GIPC2: variants seen among roughly 807,000 people sequenced by gnomAD.
GIPC2 encodes GIPC PDZ domain containing family member 2.
In GIPC2, 30 loss-of-function variants were observed where a neutral mutation model predicts 30.6. The ratio of observed to expected loss-of-function variants is 0.98; its 90% confidence interval spans 0.73 to 1.33. GIPC2 has a LOEUF of 1.33. Among genes scored for constraint, GIPC2 ranks in the 40% most tolerant of loss-of-function variants. The probability of loss-of-function intolerance (pLI) is 0.00; values close to 1 mark genes in which losing one functional copy is unlikely to be tolerated. For missense variants in GIPC2, 414 were observed against 390.3 expected (o/e 1.06, Z -0.51); for synonymous variants, 167 against 150.0 (o/e 1.11, Z -0.83).
chr1:78,069,071 A>C, intron 1 of GIPC2: 4 of 985,308 alleles, frequency 4.1e-6, no homozygotes, highest in Non-Finnish European at 4.8e-6. Flanking sequence ...AGTTGGAAGA[A>C]ACTGCTTGGT....
chr1:78,128,437 A>G (rs1349776475), intron 5 of GIPC2, among the ~76,000 whole-genome samples: 1 of 152,248 alleles, frequency 6.6e-6, no homozygotes, highest in Non-Finnish European at 1.5e-5. Context: ...CTAACTAGGA[A>G]TAAAGACAGA....
At chr1:78,057,530 A>G (rs1557527105) in intron 1 of GIPC2, among the ~76,000 whole-genome samples, 2 of 152,344 alleles carry the variant, frequency 1.3e-5, no homozygotes, top group Admixed American at 1.3e-4. Flanking sequence ...CACTGTGGAG[A>G]TATTTCTTCC....
At chr1:78,133,659 G>A (rs971691157) in intron 5 of GIPC2, among the ~76,000 whole-genome samples, 14 of 152,060 alleles carry the variant, frequency 9.2e-5, no homozygotes, top group Non-Finnish European at 2.1e-4. Flanking sequence ...TTAATGTAGT[G>A]TAGTGTAGTG....
At chr1:78,084,028 C>T (rs565572841) in intron 2 of GIPC2, among the ~76,000 whole-genome samples, 5 of 152,028 alleles carry the variant, frequency 3.3e-5, no homozygotes, top group African/African-American at 9.7e-5. Context: ...TAGCTGTGCT[C>T]ATACACTGAA....
chr1:78,108,082 AG>A (rs1259101563), intron 3 of GIPC2, among the ~76,000 whole-genome samples: 1 of 152,206 alleles, frequency 6.6e-6, no homozygotes, highest in Middle Eastern at 3.2e-3. Flanking sequence ...GTAATAAACC[AG>A]TAATAAAGGT....
In GIPC2 at chr1:78,119,509, G is replaced by GTTCATTTAC; in HGVS notation, c.714+14_714+22dup. The GTTCATTTAC allele has an allele frequency of 6.7e-7, 1 of 1,489,410 alleles. No homozygotes were observed. The highest frequency in any genetic ancestry group is 9.4e-7 in the Non-Finnish European group (1 of 1,067,200). The allele number at this position is 1,489,410 out of a possible 1,614,324, so 92.3% of individuals were successfully genotyped here. On this transcript the variant is annotated intron_variant, in intron 4 of 5. Transcript: ENST00000370759. ...CACCGTGGAAGAAATGGTATGTTAT[G>GTTCATTTAC]TTCATTTACTTCCTGTTCTGCTTGG... is the stretch of plus-strand genomic sequence containing the variant.
intron 5 of GIPC2, among the ~76,000 whole-genome samples, chr1:78,127,327 G>C (rs1662800984): frequency 6.6e-6 from 1 of 152,244 alleles, no homozygotes; most frequent in Non-Finnish European, 1.5e-5. Flanking sequence ...GCTCTGATGA[G>C]CTGAGCAGAG....
At chr1:78,101,016 G>T (rs547577061) in intron 3 of GIPC2, among the ~76,000 whole-genome samples, 124 of 150,992 alleles carry the variant, frequency 8.2e-4, no homozygotes, top group Non-Finnish European at 1.5e-3. Flanking sequence ...GATAATTGGG[G>T]CCTAGAGAAT....
chr1:78,118,821 T>C (rs1662621742), intron 3 of GIPC2, among the ~76,000 whole-genome samples: 1 of 152,232 alleles, frequency 6.6e-6, no homozygotes, highest in African/African-American at 2.4e-5. Context: ...CATTTCTTAC[T>C]GCCTTCAGTT....
At chr1:78,120,004 C>A (rs986722434) in intron 4 of GIPC2, among the ~76,000 whole-genome samples, 1 of 152,186 alleles carries the variant, frequency 6.6e-6, no homozygotes, top group African/African-American at 2.4e-5. Context: ...CCCAAGGCAC[C>A]ATCATCTTAT....
intron 1 of GIPC2, among the ~76,000 whole-genome samples, chr1:78,072,620 G>T (rs1203969601): frequency 6.6e-6 from 1 of 151,872 alleles, no homozygotes; most frequent in Non-Finnish European, 1.5e-5. Flanking sequence ...TAACTTTAAG[G>T]ACAGTAATTT....
chr1:78,075,608 A>T (rs1661704287), intron 1 of GIPC2, among the ~76,000 whole-genome samples: 1 of 152,206 alleles, frequency 6.6e-6, no homozygotes, highest in Non-Finnish European at 1.5e-5. Context: ...AGAAATTCCT[A>T]GACCACACAC....
chr1:78,094,315 A>G (rs1324736597), intron 2 of GIPC2, among the ~76,000 whole-genome samples: 1 of 152,248 alleles, frequency 6.6e-6, no homozygotes, highest in African/African-American at 2.4e-5. Context: ...ACAGACATGC[A>G]GTAGTGAATA....
chr1:78,109,409 A>G (rs1292448213), intron 3 of GIPC2, among the ~76,000 whole-genome samples: 1 of 152,214 alleles, frequency 6.6e-6, no homozygotes, highest in Non-Finnish European at 1.5e-5. Context: ...ATGGCAACTC[A>G]TAACTTTTAA....
chr1:78,045,460 C>A, upstream of GIPC2: 1 of 593,674 alleles, frequency 1.7e-6, no homozygotes, highest in Non-Finnish European at 2.1e-6. Flanking sequence ...TGGAGGCGTG[C>A]TGAATGTTGG....
chr1:78,051,624 T>A (rs1339078448), intron 1 of GIPC2, among the ~76,000 whole-genome samples: 1 of 152,062 alleles, frequency 6.6e-6, no homozygotes, highest in African/African-American at 2.4e-5. Context: ...CTCAGCCTCC[T>A]GAGTAGCTGG....
chr1:78,047,757 AT>A (rs1256881135), intron 1 of GIPC2, among the ~76,000 whole-genome samples: 2 of 152,216 alleles, frequency 1.3e-5, no homozygotes, highest in East Asian at 3.9e-4. Flanking sequence ...AACGTATCAG[AT>A]TGCATAGTTT....
intron 1 of GIPC2, among the ~76,000 whole-genome samples, chr1:78,059,426 G>A (rs917269515): frequency 2.0e-5 from 3 of 152,180 alleles, no homozygotes; most frequent in African/African-American, 7.2e-5. Context: ...CCTTGAAATG[G>A]TAGAGACCCT....
intron 1 of GIPC2, among the ~76,000 whole-genome samples, 189 bp from the exon 2 acceptor site, chr1:78,080,486 A>G (rs1004566590): frequency 6.6e-6 from 1 of 152,202 alleles, no homozygotes; most frequent in Non-Finnish European, 1.5e-5. Context: ...CCCTCAATAC[A>G]TGTTACCTAA....
Sources: allele counts gnomAD v4.1 joint callset (sites outside exome capture counted in the v4.1 genomes callset), GRCh38; gene constraint gnomAD v4.1.1; transcripts MANE v1.5; gene names NCBI Gene and HGNC (gene_info 2026-07-23, HGNC 2026-07-21).